Variants in RBM39 observed in about 807,000 individuals in gnomAD.
RBM39 encodes RNA-binding protein 39.
RBM39 carries 12 observed loss-of-function variants against 79.6 expected under a neutral mutation model. The observed-to-expected ratio is 0.15, with a 90% CI of 0.10 to 0.24. The LOEUF is 0.24. RBM39 is among the 10% of genes least tolerant of loss of function. The pLI, the probability that RBM39 is intolerant of heterozygous loss-of-function variation, is 1.00. For synonymous variants in RBM39, 185 were observed against 208.4 expected, an observed-to-expected ratio of 0.89 and a Z score of 0.97; for missense variants, 243 against 653.4, an observed-to-expected ratio of 0.37 and a Z score of 6.85.
chr20:35,727,528 A>T (rs759409721), intron 6 of RBM39, among the ~76,000 whole-genome samples: 1 of 151,520 alleles, frequency 6.6e-6, no homozygotes, highest in Non-Finnish European at 1.5e-5. Context: ...CAGGCTGGAG[A>T]GCAGTGGCGC....
At chr20:35,730,921 T>C (rs2039300372) in intron 4 of RBM39, among the ~76,000 whole-genome samples, 2 of 152,130 alleles carry the variant, frequency 1.3e-5, no homozygotes, top group African/African-American at 2.4e-5. Context: ...ATTTTAAAGA[T>C]AAAAGAGCCA....
rs2035331934 is a variant in RBM39, at chr20:35,702,532, G to A, written c.*1949C>T. 1.3e-5 allele frequency: 2 copies of A among 152,342 alleles called. No individual in the cohort carries two copies. Among genetic ancestry groups the A allele is most frequent in the South Asian group, 2.1e-4 (1 of 4,828 alleles). 9.4% of individuals were successfully genotyped at this position (152,342 alleles called of 1,614,324 possible). On this transcript the variant is annotated 3_prime_UTR_variant, in exon 17 of 17. Coordinates refer to ENST00000253363, the MANE Select transcript of RBM39 (RefSeq NM_184234.3). ...AGCAATGACACAACAAATTTGTTAGGAAGACTTGGTTCAAGGGGAAAAACT... is the reference window on the plus strand; with the variant it reads ...AGCAATGACACAACAAATTTGTTAGAAAGACTTGGTTCAAGGGGAAAAACT...
chr20:35,714,541 T>C (rs2036860571), intron 10 of RBM39, 152 bp from the exon 11 acceptor site: 11 of 1,163,060 alleles, frequency 9.5e-6, no homozygotes, highest in South Asian at 2.1e-5. Context: ...AAACACAACA[T>C]ACATGATGAC....
chr20:35,704,348 T>G lies in RBM39; in HGVS notation c.*133A>C. 1.5e-6 allele frequency: 1 copy of G among 658,582 alleles called. No homozygotes were observed. Among genetic ancestry groups the G allele is most frequent in the East Asian group, 2.8e-5 (1 of 35,328 alleles). The allele number at this position is 658,582 out of a possible 1,614,324, so 40.8% of individuals were successfully genotyped here. On this transcript the variant is annotated 3_prime_UTR_variant, in exon 17 of 17. Coordinates refer to ENST00000253363, the MANE Select transcript of RBM39 (RefSeq NM_184234.3). ...GCATTCCTGTTAACATTTTTATTTT[T>G]TCAAGGTAACAGGAAATTGCATACA...
At chr20:35,729,726 G>T (rs2039157990) in intron 4 of RBM39, among the ~76,000 whole-genome samples, 199 bp from the exon 5 acceptor site, 1 of 151,976 alleles carries the variant, frequency 6.6e-6, no homozygotes, top group Non-Finnish European at 1.5e-5. Flanking sequence ...GGACCACTGA[G>T]AGGTGCCAAG....
intron 3 of RBM39, 154 bp from the exon 4 acceptor site, chr20:35,732,289 A>T: frequency 2.9e-6 from 2 of 699,334 alleles, no homozygotes; most frequent in East Asian, 2.7e-5. Context: ...TTAAAAAAAA[A>T]AAAAAATCCT....
intron 6 of RBM39, 149 bp from the exon 7 acceptor site, chr20:35,725,304 T>TTAA: frequency 1.7e-6 from 1 of 582,698 alleles, no homozygotes; most frequent in Non-Finnish European, 3.0e-6. Flanking sequence ...AATTCTGAGA[T>TTAA]TTTAGTGTAC....
chr20:35,740,504 G>A (rs780258132), intron 2 of RBM39: 2 of 1,286,154 alleles, frequency 1.6e-6, no homozygotes, highest in Non-Finnish European at 2.1e-6. Flanking sequence ...ACGGTACAGC[G>A]ATAAGTCACT....
intron 6 of RBM39, among the ~76,000 whole-genome samples, chr20:35,727,032 G>A (rs1366625111): frequency 6.6e-6 from 1 of 151,860 alleles, no homozygotes; most frequent in Non-Finnish European, 1.5e-5. Flanking sequence ...TCACCATGTT[G>A]GTCAGGCTGG....
chr20:35,716,892 A>C, intron 9 of RBM39, 87 bp from the exon 10 acceptor site: 2 of 846,134 alleles, frequency 2.4e-6, no homozygotes, highest in Non-Finnish European at 3.8e-6. Context: ...AAAATCTACC[A>C]GTCTCCTCAT....
intron 4 of RBM39, chr20:35,731,440 A>G (rs2039355682): frequency 6.5e-6 from 1 of 154,640 alleles, no homozygotes; most frequent in East Asian, 1.9e-4. Context: ...ATCAATGAGC[A>G]TACACAACAA....
At chr20:35,715,660 T>C (rs2037020077) in intron 10 of RBM39, among the ~76,000 whole-genome samples, 1 of 152,200 alleles carries the variant, frequency 6.6e-6, no homozygotes, top group Non-Finnish European at 1.5e-5. Flanking sequence ...CTGACCCCTA[T>C]ATGTATATAT....
At position 35,727,900 on chromosome 20, in the gene RBM39, C is replaced by T. The variant is rs73618516; in HGVS notation, c.416+1412G>A. On this transcript the variant is annotated intron_variant, in intron 6 of 16. Coordinates refer to ENST00000253363, the MANE Select transcript of RBM39 (RefSeq NM_184234.3). ...CTGACCTCAGGTGATCCGCCTGCCT[C>T]GGCCTTCCAGAGTGCTGGGATTACA... 3.1e-3 allele frequency among the ~76,000 whole-genome samples: 466 copies of T among 152,222 alleles called. 3 individuals are homozygous for T. The East Asian group carries it at 0.041, about 13-fold the overall frequency.
At chr20:35,739,217 G>A in intron 2 of RBM39, 200 bp from the exon 3 acceptor site, 1 of 608,102 alleles carries the variant, frequency 1.6e-6, no homozygotes, top group Non-Finnish European at 2.9e-6. Context: ...AAGTCATCAA[G>A]ATACAAAAAT....
intron 13 of RBM39, chr20:35,709,019 T>G: frequency 2.2e-6 from 1 of 447,384 alleles, no homozygotes; most frequent in Non-Finnish European, 3.9e-6. Context: ...AAAATTGTTA[T>G]TTTGATTTTT....
chr20:35,737,749 T>C (rs7269829), intron 3 of RBM39, among the ~76,000 whole-genome samples: 12,120 of 144,830 alleles, frequency 0.084, 891 homozygotes, highest in African/African-American at 0.21. Context: ...CCTGGGAGGC[T>C]GAGGCAGGAG....
Position 35,714,053 on chromosome 20 carries a change from G to A in RBM39, c.1096+132C>T, listed in dbSNP as rs967840313. On this transcript the variant is annotated intron_variant, in intron 11 of 16. Coordinates refer to ENST00000253363, the MANE Select transcript of RBM39 (RefSeq NM_184234.3). ...AGGCACATCATCTATAAAATAATAT[G>A]CAGTGTGACCAAGGATAACGCCAAC... is the stretch of plus-strand genomic sequence containing the variant. The A allele has an allele frequency of 1.5e-5, 12 of 784,390 alleles. No homozygotes were observed. In the African/African-American group the frequency reaches 1.9e-4, roughly 13 times the overall value. 48.6% of individuals were successfully genotyped at this position (784,390 alleles called of 1,614,324 possible). A position where few individuals can be genotyped will look rare whatever the true frequency, so the allele number is the denominator to read the frequency against.
chr20:35,709,008 A>C, intron 13 of RBM39: 1 of 437,854 alleles, frequency 2.3e-6, no homozygotes, highest in East Asian at 3.7e-5. Context: ...AAGCAAAAAA[A>C]AAAATTGTTA....
At chr20:35,729,229 A>C (rs1002074842) in intron 6 of RBM39, 83 bp downstream of exon 6, 4 of 1,250,730 alleles carry the variant, frequency 3.2e-6, no homozygotes, top group Non-Finnish European at 4.4e-6. Context: ...ATATGGTCCA[A>C]ATTACTAAAT....
Sources: allele counts gnomAD v4.1 joint callset (sites outside exome capture counted in the v4.1 genomes callset), GRCh38; gene constraint gnomAD v4.1.1; transcripts MANE v1.5; gene names NCBI Gene and HGNC (gene_info 2026-07-23, HGNC 2026-07-21).